SND1: variants seen among roughly 807,000 people sequenced by gnomAD.
The protein encoded by SND1 is staphylococcal nuclease and tudor domain containing 1.
SND1 carries 38 observed loss-of-function variants against 121.7 expected under a neutral mutation model. The observed-to-expected ratio is 0.31, with a 90% CI of 0.24 to 0.41. SND1 has a LOEUF of 0.41. SND1 is among the 10% of genes least tolerant of loss of function. The pLI is 1.00. For missense variants in SND1, 868 were observed against 1,184.6 expected (o/e 0.73, Z 3.92); for synonymous variants, 401 against 447.4 (o/e 0.90, Z 1.31).
chr7:127,830,282 C>T (rs886355094), intron 11 of SND1, among the ~76,000 whole-genome samples: 1 of 151,976 alleles, frequency 6.6e-6, no homozygotes, highest in Non-Finnish European at 1.5e-5. Flanking sequence ...ACTCAGGGGG[C>T]TGAGACAGGA....
intron 16 of SND1, chr7:128,030,679 T>G (rs1792562358): frequency 3.3e-6 from 5 of 1,523,506 alleles, no homozygotes; most frequent in Non-Finnish European, 3.5e-6. Flanking sequence ...CCTGGGATTT[T>G]GGCTCGGAAA....
intron 16 of SND1, chr7:128,028,904 T>C (rs894144753): frequency 1.2e-6 from 2 of 1,613,392 alleles, no homozygotes; most frequent in African/African-American, 2.7e-5. Context: ...CTGCTGCGGA[T>C]GTTGCTGCTG....
chr7:127,743,480 C>T (rs73234894), intron 10 of SND1, among the ~76,000 whole-genome samples: 4,753 of 152,310 alleles, frequency 0.031, 96 homozygotes, highest in Non-Finnish European at 0.045. Flanking sequence ...TAGCCCCCAA[C>T]GTTTTGGTAG....
chr7:127,711,557 C>T (rs1010631232), intron 9 of SND1, among the ~76,000 whole-genome samples: 2 of 151,948 alleles, frequency 1.3e-5, no homozygotes, highest in Non-Finnish European at 2.9e-5. Context: ...CCTAGTGTTC[C>T]AACATTTCAT....
chr7:128,006,023 G>A (rs556740149), intron 16 of SND1, among the ~76,000 whole-genome samples: 1 of 152,322 alleles, frequency 6.6e-6, no homozygotes, highest in East Asian at 1.9e-4. Flanking sequence ...AAGGTGCAAA[G>A]GTTTGTCATT....
chr7:127,744,899 A>C (rs780470072), intron 10 of SND1, among the ~76,000 whole-genome samples: 9 of 152,224 alleles, frequency 5.9e-5, no homozygotes, highest in Non-Finnish European at 7.3e-5. Context: ...CACGACTGCA[A>C]CTGATTATTC....
At chr7:127,720,934 T>G (rs1050327691) in intron 9 of SND1, among the ~76,000 whole-genome samples, 3 of 152,166 alleles carry the variant, frequency 2.0e-5, no homozygotes. Flanking sequence ...GATTTTGATT[T>G]TAGTTTAGAA....
intron 15 of SND1, 68 bp downstream of exon 15, chr7:127,929,397 T>TC: frequency 2.6e-6 from 4 of 1,533,186 alleles, no homozygotes; most frequent in Non-Finnish European, 3.6e-6. Flanking sequence ...TACCCTCCTT[T>TC]CCCCCTGTGT....
intron 14 of SND1, among the ~76,000 whole-genome samples, chr7:127,911,497 A>G (rs1800454297): frequency 6.6e-6 from 1 of 151,740 alleles, no homozygotes; most frequent in African/African-American, 2.4e-5. Flanking sequence ...GGAGTGAGCT[A>G]CCATGGCTGG....
At chr7:128,025,357 T>G (rs1803451742) in intron 16 of SND1, among the ~76,000 whole-genome samples, 1 of 152,082 alleles carries the variant, frequency 6.6e-6, no homozygotes, top group African/African-American at 2.4e-5. Flanking sequence ...ACTAGCAGTG[T>G]GACCTTGGAT....
intron 10 of SND1, among the ~76,000 whole-genome samples, chr7:127,757,415 A>G (rs1797217357): frequency 6.6e-6 from 1 of 152,180 alleles, no homozygotes; most frequent in Non-Finnish European, 1.5e-5. Flanking sequence ...GGATGCGCAC[A>G]TTCGTTTGTT....
intron 2 of SND1, among the ~76,000 whole-genome samples, chr7:127,694,340 G>A (rs1157095412): frequency 1.3e-5 from 2 of 152,224 alleles, no homozygotes; most frequent in Admixed American, 6.5e-5. Context: ...AACTGTTTTA[G>A]AAACTGGAAA....
intron 15 of SND1, among the ~76,000 whole-genome samples, chr7:127,974,981 G>C (rs1391635391): frequency 2.0e-5 from 3 of 152,190 alleles, no homozygotes; most frequent in Non-Finnish European, 4.4e-5. Context: ...ATCCATTTGG[G>C]CCAGAGAGTG....
rs760947771 is a variant in SND1 at position 127,704,823 on chromosome 7, G to T, written c.841-16G>T. On this transcript the variant is annotated splice_polypyrimidine_tract_variant and intron_variant, in intron 7 of 23. Coordinates refer to ENST00000354725, the MANE Select transcript of SND1 (RefSeq NM_014390.4). ...AGTCTAATCCGTGCCTGCCTCTCAT[G>T]TACCTTGTTTTTCAGAATGGCAACA... 6.2e-7 allele frequency: 1 copy of T among 1,605,636 alleles called. No individual in the cohort carries two copies. The highest frequency in any genetic ancestry group is 1.1e-5 in the South Asian group (1 of 90,832).
intron 16 of SND1, among the ~76,000 whole-genome samples, chr7:128,058,570 G>A (rs1051659527): frequency 5.3e-5 from 8 of 152,216 alleles, no homozygotes. Context: ...GTGAAGGCAG[G>A]ACCAGGCACA....
Position 127,853,130 on chromosome 7 carries a change from T to C in SND1, c.1343+8706T>C, listed in dbSNP as rs150476378. 4.3e-4 allele frequency among the ~76,000 whole-genome samples: 66 copies of C among 152,162 alleles called. 1 individual carries two copies. The highest frequency in any genetic ancestry group is 1.5e-3 in the African/African-American group (64 of 41,514). On this transcript the variant is annotated intron_variant, in intron 12 of 23. Transcript: ENST00000354725. ...TGCAGCAGAGAGGAAGCAAGCAAATTATAGACCCCACTGAAATTGTCGAGG... is the reference window on the plus strand; with the variant it reads ...TGCAGCAGAGAGGAAGCAAGCAAATCATAGACCCCACTGAAATTGTCGAGG...
At chr7:128,043,172 GCC>G (rs1792885599) in intron 16 of SND1, among the ~76,000 whole-genome samples, 1 of 152,116 alleles carries the variant, frequency 6.6e-6, no homozygotes, top group Non-Finnish European at 1.5e-5. Flanking sequence ...TTAATCAGGT[GCC>G]CATCTCAGAG....
chr7:127,656,295 CTTTCTT>C (rs1051715230), intron 1 of SND1, among the ~76,000 whole-genome samples: 9 of 148,692 alleles, frequency 6.1e-5, no homozygotes, highest in African/African-American at 1.5e-4. Context: ...TCTTAGGTTT[CTTTCTT>C]TTTCTTTTTC....
chr7:127,735,737 G>A (rs1000767684), intron 10 of SND1, among the ~76,000 whole-genome samples: 4 of 151,912 alleles, frequency 2.6e-5, no homozygotes, highest in African/African-American at 7.3e-5. Context: ...AGTGATTCTC[G>A]TGCCTCAGCC....
Sources: gnomAD v4.1 joint callset for allele counts (sites outside exome capture counted in the v4.1 genomes callset) on GRCh38, gnomAD v4.1.1 for gene constraint, MANE v1.5 for transcripts, NCBI Gene and HGNC (gene_info 2026-07-23, HGNC 2026-07-21) for gene names.